GCNT2: variants seen among roughly 807,000 people sequenced by gnomAD.
GCNT2 encodes the protein N-acetyllactosaminide beta-1,6-N-acetylglucosaminyl-transferase.
In GCNT2, 34 loss-of-function variants were observed where a neutral mutation model predicts 34.2. The observed-to-expected ratio is 1.00, with a 90% CI of 0.76 to 1.32. The LOEUF is 1.32. Ranked by LOEUF, GCNT2 falls within the 40% of genes most tolerant of loss-of-function variation. The pLI, the probability that GCNT2 is intolerant of heterozygous loss-of-function variation, is 0.00. For synonymous variants in GCNT2, 212 were observed against 188.0 expected (o/e 1.13, Z -1.04); for missense variants, 584 against 489.4 (o/e 1.19, Z -1.82).
intron 3 of GCNT2, among the ~76,000 whole-genome samples, chr6:10,615,989 G>C (rs1209627308): frequency 6.6e-6 from 1 of 152,188 alleles, no homozygotes; most frequent in Non-Finnish European, 1.5e-5. Flanking sequence ...TGCTATGTCT[G>C]GAATTGGTGG....
At chr6:10,626,360 A>C (rs1362609183) in intron 4 of GCNT2, 57 bp from the exon 5 acceptor site, 11 of 1,256,636 alleles carry the variant, frequency 8.8e-6, no homozygotes, top group East Asian at 2.3e-5. Flanking sequence ...CTGTAAGTTC[A>C]TCACCCTTTT....
At chr6:10,607,542 G>T (rs561580047) in intron 3 of GCNT2, among the ~76,000 whole-genome samples, 2 of 151,860 alleles carry the variant, frequency 1.3e-5, no homozygotes, top group Non-Finnish European at 1.5e-5. Context: ...TGAGATTTGC[G>T]CAGGGACACA....
intron 3 of GCNT2, among the ~76,000 whole-genome samples, chr6:10,601,674 G>T (rs62397985): frequency 0.017 from 2,549 of 152,274 alleles, 26 homozygotes; most frequent in Middle Eastern, 0.037. Context: ...AGGCGCAGTG[G>T]CTCACGCCTG....
At chr6:10,544,965 T>TA (rs1468798699) in intron 3 of GCNT2, among the ~76,000 whole-genome samples, 1 of 151,594 alleles carries the variant, frequency 6.6e-6, no homozygotes, top group African/African-American at 2.4e-5. Context: ...AATAAATAAA[T>TA]AAATAAATAA....
chr6:10,558,901 A>G (rs1762842385), intron 3 of GCNT2, among the ~76,000 whole-genome samples: 1 of 152,186 alleles, frequency 6.6e-6, no homozygotes, highest in Non-Finnish European at 1.5e-5. Context: ...TTCGCATATC[A>G]TTGAGGAGCA....
intron 3 of GCNT2, among the ~76,000 whole-genome samples, chr6:10,555,485 A>C (rs1166640196): frequency 6.6e-6 from 1 of 152,164 alleles, no homozygotes; most frequent in Non-Finnish European, 1.5e-5. Flanking sequence ...ATGCCCACCA[A>C]ATCCCCTGTC....
At chr6:10,594,027 G>A (rs13204330) in intron 3 of GCNT2, among the ~76,000 whole-genome samples, 16,744 of 152,240 alleles carry the variant, frequency 0.11, 1,103 homozygotes, top group Middle Eastern at 0.17. Context: ...CAGAGAAGTT[G>A]TGAGTATTAA....
intron 3 of GCNT2, among the ~76,000 whole-genome samples, chr6:10,607,562 C>A (rs1021480080): frequency 6.6e-6 from 1 of 152,042 alleles, no homozygotes; most frequent in African/African-American, 2.4e-5. Context: ...AGATCCAGAC[C>A]ATTTCACCTC....
intron 4 of GCNT2, among the ~76,000 whole-genome samples, chr6:10,624,333 G>A (rs1766172495): frequency 6.6e-6 from 1 of 152,090 alleles, no homozygotes; most frequent in Admixed American, 6.6e-5. Flanking sequence ...CCTGGCAGAG[G>A]GCAAAAGGCA....
chr6:10,595,882 A>G (rs895271350), intron 3 of GCNT2, among the ~76,000 whole-genome samples: 3 of 152,332 alleles, frequency 2.0e-5, no homozygotes, highest in Non-Finnish European at 4.4e-5. Context: ...TAATCCTCAC[A>G]TGCCCATCAG....
chr6:10,573,397 A>G (rs1274532977), intron 3 of GCNT2: 21 of 564,012 alleles, frequency 3.7e-5, no homozygotes, highest in Non-Finnish European at 4.7e-5. Context: ...ACAGCTGGGC[A>G]GTTAACACCA....
chr6:10,574,925 G>A (rs758544664), intron 3 of GCNT2: 8 of 710,418 alleles, frequency 1.1e-5, no homozygotes, highest in Admixed American at 3.7e-5. Context: ...AAGCTAGCTC[G>A]GCTCTTAGAG....
At chr6:10,574,658 A>G (rs929541843) in intron 3 of GCNT2, 5 of 301,464 alleles carry the variant, frequency 1.7e-5, no homozygotes, top group African/African-American at 1.1e-4. Context: ...AAATCTGCCT[A>G]TTTTGGTACT....
At chr6:10,597,526 G>T (rs773716636) in intron 3 of GCNT2, among the ~76,000 whole-genome samples, 9 of 151,964 alleles carry the variant, frequency 5.9e-5, no homozygotes, top group African/African-American at 9.7e-5. Flanking sequence ...TCTTATAGCA[G>T]TGACTACGAC....
At position 10,627,198 on chromosome 6, in the gene GCNT2, A is replaced by G. The variant is rs567994870; in HGVS notation, c.*591A>G. 1 of 153,508 alleles carries G rather than the reference A, an allele frequency of 6.5e-6. No individual in the cohort carries two copies. Among genetic ancestry groups the G allele is most frequent in the South Asian group, 2.0e-4 (1 of 4,898 alleles). The allele number at this position is 153,508 out of a possible 1,614,324, so 9.5% of individuals were successfully genotyped here. On this transcript the variant is annotated 3_prime_UTR_variant, in exon 5 of 5. Transcript: ENST00000495262. ...CTGTATATAGTATAAAGTCATTAAC[A>G]AGAAACAGGATATGCTTTAAGACAG...
chr6:10,552,454 GAA>G (rs1350818667), intron 3 of GCNT2, among the ~76,000 whole-genome samples: 4 of 151,542 alleles, frequency 2.6e-5, no homozygotes, highest in African/African-American at 9.7e-5. Context: ...TTGGGCGGGG[GAA>G]AAAGAGTGGT....
At chr6:10,586,787 T>C in intron 3 of GCNT2, 2 of 1,614,016 alleles carry the variant, frequency 1.2e-6, no homozygotes, top group Non-Finnish European at 1.7e-6. Context: ...GCACTGCCTA[T>C]GTGGCGCTTA....
chr6:10,577,567 T>TTTCA (rs1445028055), intron 3 of GCNT2, among the ~76,000 whole-genome samples: 1 of 152,130 alleles, frequency 6.6e-6, no homozygotes, highest in Non-Finnish European at 1.5e-5. Context: ...TGAGATAGAA[T>TTTCA]TTCACTCTTT....
At chr6:10,563,763 A>G (rs867173561) in intron 3 of GCNT2, among the ~76,000 whole-genome samples, 74 of 47,040 alleles carry the variant, frequency 1.6e-3, no homozygotes, top group Admixed American at 3.8e-3. Context: ...AAAGAAAAAA[A>G]AAAAAAAAAA....
Sources: allele counts gnomAD v4.1 joint callset (sites outside exome capture counted in the v4.1 genomes callset), GRCh38; gene constraint gnomAD v4.1.1; transcripts MANE v1.5; gene names NCBI Gene and HGNC (gene_info 2026-07-23, HGNC 2026-07-21).